Variants in PRKN observed in about 807,000 individuals in gnomAD.
The protein encoded by PRKN is parkin RBR E3 ubiquitin protein ligase, also known as E3 ubiquitin-protein ligase parkin.
Under a neutral mutation model 59.5 loss-of-function variants are expected in PRKN, and 56 were observed. That is an observed-to-expected ratio of 0.94 (90% CI 0.76 to 1.18). PRKN has a LOEUF of 1.18. Ranked by LOEUF, PRKN falls within the 50% of genes most tolerant of loss-of-function variation. PRKN has a pLI of 0.00. For missense variants in PRKN, 657 were observed against 596.4 expected (o/e 1.10, Z -1.06); for synonymous variants, 250 against 222.1 (o/e 1.13, Z -1.12).
In PRKN at chr6:161,918,915, C is replaced by A. The variant is rs569107112; in HGVS notation, c.734+54387G>T. Among the ~76,000 whole-genome samples the A allele has an allele frequency of 6.2e-4, 95 of 152,256 alleles. 1 individual carries two copies. Among genetic ancestry groups the A allele is most frequent in the South Asian group, 1.7e-3 (8 of 4,820 alleles). Reference sequence around the variant, plus strand: ...GAAACTAGAAACCAACACCCCCGCTCCCCACCACCACCTTTTGCTGGTGGG... The same window carrying A: ...GAAACTAGAAACCAACACCCCCGCTACCCACCACCACCTTTTGCTGGTGGG... On this transcript the variant is annotated intron_variant, in intron 6 of 11. Transcript: ENST00000366898.
chr6:161,973,232 G>T (rs1023253858), intron 6 of PRKN, 70 bp downstream of exon 6: 12 of 955,184 alleles, frequency 1.3e-5, no homozygotes, highest in Non-Finnish European at 1.9e-5. Context: ...TAAGGAGGGG[G>T]GAGTGATGCT....
At chr6:161,995,302 C>G (rs751765794) in intron 5 of PRKN, among the ~76,000 whole-genome samples, 7 of 152,070 alleles carry the variant, frequency 4.6e-5, no homozygotes, top group Non-Finnish European at 8.8e-5. Context: ...CATAAAACCC[C>G]AAAGTATAGA....
At chr6:162,663,884 T>TC (rs1486644996) in intron 1 of PRKN, among the ~76,000 whole-genome samples, 21 of 152,126 alleles carry the variant, frequency 1.4e-4, no homozygotes, top group Non-Finnish European at 4.4e-5. Context: ...ACTTTTTTTT[T>TC]CATTTTATTT....
chr6:161,974,056 C>A (rs996161481), intron 5 of PRKN, among the ~76,000 whole-genome samples: 2 of 152,198 alleles, frequency 1.3e-5, no homozygotes, highest in Admixed American at 1.3e-4. Context: ...CACCTGGGGT[C>A]AGGAGTTCGA....
At chr6:162,050,862 G>A (rs1389232117) in intron 5 of PRKN, among the ~76,000 whole-genome samples, 1 of 152,116 alleles carries the variant, frequency 6.6e-6, no homozygotes, top group Non-Finnish European at 1.5e-5. Flanking sequence ...GAGTTGATGA[G>A]AAGCCAGGGT....
rs546686610 is a variant in PRKN at position 162,169,483 on chromosome 6, A to G, written c.534+31648T>C. Among the ~76,000 whole-genome samples, 387 of 77,048 alleles carry G rather than the reference A, an allele frequency of 5.0e-3. 3 individuals are homozygous for G. Among genetic ancestry groups the G allele is most frequent in the African/African-American group, 0.015 (367 of 25,002 alleles). 50.5% of individuals were successfully genotyped at this position (77,048 alleles called of 152,430 possible). On this transcript the variant is annotated intron_variant, in intron 4 of 11. Transcript: ENST00000366898. The stretch of plus-strand genomic sequence containing the variant: ...ATTAATTTTCTTAAAAATTTATCAC[A>G]TGTTATGTAAAAAAATAAGACTTCT...
chr6:162,467,184 T>G (rs1460210313), intron 1 of PRKN, among the ~76,000 whole-genome samples: 2 of 152,170 alleles, frequency 1.3e-5, no homozygotes, highest in South Asian at 4.2e-4. Context: ...CCTTTTTCCC[T>G]TCTTCCTTTT....
intron 7 of PRKN, among the ~76,000 whole-genome samples, chr6:161,713,788 G>C (rs1786852116): frequency 6.6e-6 from 1 of 152,084 alleles, no homozygotes; most frequent in African/African-American, 2.4e-5. Flanking sequence ...TTGAATTGTA[G>C]CTCCATAATC....
chr6:161,499,927 C>A lies in PRKN; in HGVS notation c.1083+48927G>T, dbSNP rs1777895122. On this transcript the variant is annotated intron_variant, in intron 9 of 11. Transcript: ENST00000366898. The surrounding 1 kb of genome is among the most constrained non-coding windows in gnomAD (Gnocchi z 4.2). ...GAAACCGCAGCTGTTCCCAAGATTA[C>A]AGATAAACTGAACACCAAGTTGTCT... Among the ~76,000 whole-genome samples the A allele has an allele frequency of 6.6e-6, 1 of 152,170 alleles. No individual in the cohort carries two copies. Among genetic ancestry groups the A allele is most frequent in the African/African-American group, 2.4e-5 (1 of 41,438 alleles).
At chr6:161,438,095 T>C (rs1436645592) in intron 9 of PRKN, among the ~76,000 whole-genome samples, 1 of 152,150 alleles carries the variant, frequency 6.6e-6, no homozygotes, top group Non-Finnish European at 1.5e-5. Flanking sequence ...GTTAATATAA[T>C]CTGCACATCA....
In PRKN at chr6:161,771,369, A is replaced by AAT. The variant is rs1554303174; in HGVS notation, c.871+14402_871+14403insAT. Among the ~76,000 whole-genome samples the AAT allele has an allele frequency of 2.9e-3, 262 of 89,438 alleles. 10 individuals carry two copies. The highest frequency in any genetic ancestry group is 0.016 in the Middle Eastern group (3 of 182). The allele number at this position is 89,438 out of a possible 152,430, so 58.7% of individuals were successfully genotyped here. A position where few individuals can be genotyped will look rare whatever the true frequency, so the allele number is the denominator to read the frequency against. ...AGACTCCACCTCAAAAAAAAAAAAA[A>AAT]AATAAAATAAAATAAAATAAAATAA... On this transcript the variant is annotated intron_variant, in intron 7 of 11. Transcript: ENST00000366898.
At chr6:162,050,548 G>A (rs907335503) in intron 5 of PRKN, among the ~76,000 whole-genome samples, 5 of 151,636 alleles carry the variant, frequency 3.3e-5, no homozygotes, top group Admixed American at 2.0e-4. Flanking sequence ...AGACAATGTA[G>A]GTTCACCTCT....
intron 2 of PRKN, among the ~76,000 whole-genome samples, chr6:162,360,038 T>C (rs768526965): frequency 6.6e-6 from 1 of 152,162 alleles, no homozygotes; most frequent in Non-Finnish European, 1.5e-5. Flanking sequence ...TTTTATGTTC[T>C]CACTTACTAA....
At chr6:161,559,066 A>AAG (rs1780355116) in intron 8 of PRKN, among the ~76,000 whole-genome samples, 1 of 133,158 alleles carries the variant, frequency 7.5e-6, no homozygotes, top group African/African-American at 2.6e-5. Flanking sequence ...AAAAAAAAAA[A>AAG]CCAGTAAACA....
In PRKN at chr6:161,554,047, C is replaced by T. The variant is rs1205622279; in HGVS notation, c.934-5044G>A. On this transcript the variant is annotated intron_variant, in intron 8 of 11. Coordinates refer to ENST00000366898, the MANE Select transcript of PRKN (RefSeq NM_004562.3). The surrounding 1 kb of genome is among the most constrained non-coding windows in gnomAD (Gnocchi z 4.5). The stretch of plus-strand genomic sequence containing the variant: ...CCTAAGTTAGTCATTGTTTCTAAGT[C>T]CTCTCAGTTCTCACTTTGAAGGACA... Among the ~76,000 whole-genome samples the T allele has an allele frequency of 1.3e-5, 2 of 152,166 alleles. No homozygotes were observed. Among genetic ancestry groups the T allele is most frequent in the African/African-American group, 4.8e-5 (2 of 41,426 alleles).
In PRKN at chr6:161,401,722, ACTTT is replaced by A. The variant is rs1787060226; in HGVS notation, c.1084-14849_1084-14846del. On this transcript the variant is annotated intron_variant, in intron 9 of 11. Coordinates refer to ENST00000366898, the MANE Select transcript of PRKN (RefSeq NM_004562.3). The surrounding 1 kb of genome is among the most constrained non-coding windows in gnomAD (Gnocchi z 4.4). The stretch of plus-strand genomic sequence containing the variant: ...AATAAATCCCCCAAATGTCTTGAAC[ACTTT>A]CTAGGCTTGTGTCTCTCCATGAGAT... Among the ~76,000 whole-genome samples, 1 of 152,104 alleles carries A rather than the reference ACTTT, an allele frequency of 6.6e-6. No homozygotes were observed. Among genetic ancestry groups the A allele is most frequent in the Non-Finnish European group, 1.5e-5 (1 of 68,006 alleles).
chr6:161,898,018 C>T (rs1049179373), intron 6 of PRKN, among the ~76,000 whole-genome samples: 12 of 147,706 alleles, frequency 8.1e-5, no homozygotes, highest in Non-Finnish European at 1.6e-4. Flanking sequence ...TTTTTCTCAT[C>T]TGCTACATCT....
chr6:162,149,526 G>A (rs752637403), intron 4 of PRKN, among the ~76,000 whole-genome samples: 3 of 152,060 alleles, frequency 2.0e-5, no homozygotes, highest in Non-Finnish European at 4.4e-5. Flanking sequence ...TTATAGGCAC[G>A]AACCACCATG....
intron 5 of PRKN, among the ~76,000 whole-genome samples, chr6:162,017,857 C>A (rs368286981): frequency 6.6e-6 from 1 of 151,824 alleles, no homozygotes; most frequent in African/African-American, 2.4e-5. Context: ...AAGCTGCATT[C>A]ATCTTAAAAT....
Sources: gnomAD v4.1 joint callset for allele counts (sites outside exome capture counted in the v4.1 genomes callset) on GRCh38, gnomAD v4.1.1 for gene constraint, Gnocchi (gnomAD v3.1) non-coding constraint, MANE v1.5 for transcripts, NCBI Gene and HGNC (gene_info 2026-07-23, HGNC 2026-07-21) for gene names.